LBR: variants seen among roughly 807,000 people sequenced by gnomAD.
LBR encodes lamin B receptor.
A neutral mutation model predicts 74.3 loss-of-function variants in LBR; 28 were observed. The ratio of observed to expected loss-of-function variants is 0.38; its 90% CI spans 0.28 to 0.52. The LOEUF is 0.52. LBR is among the 20% of genes least tolerant of loss of function. LBR has a pLI of 0.89. For missense variants in LBR, 717 were observed against 760.3 expected (o/e 0.94, Z 0.67); for synonymous variants, 228 against 269.3 (o/e 0.85, Z 1.50).
At chr1:225,407,437 T>C (rs1388304319) in intron 10 of LBR, among the ~76,000 whole-genome samples, 1 of 152,364 alleles carries the variant, frequency 6.6e-6, no homozygotes. Context: ...TGGCATTTCA[T>C]GTGCATTTTC....
At position 225,406,782 on chromosome 1, in the gene LBR, C is replaced by T; in HGVS notation, c.1365G>A (p.Met455Ile). The T allele has an allele frequency of 6.2e-7, 1 of 1,614,234 alleles. No individual in the cohort carries two copies. Among genetic ancestry groups the T allele is most frequent in the Non-Finnish European group, 8.5e-7 (1 of 1,180,040 alleles). The stretch of plus-strand genomic sequence containing the variant: ...CCCACACCAAGTCTCCAAAAGCCAG[C>T]ATGAATCCAAATCCATCGTGGATGA... The part of the protein sequence containing the change: ...MDIIHDGFGF[M>I]LAFGDLVWVP... The change falls in exon 11 of 14, where the codon ATG becomes ATA. Residue 455 changes from methionine to isoleucine, a missense_variant. Physicochemically the swap from Met to Ile is conservative, Grantham distance 10. Coordinates refer to ENST00000272163, the MANE Select transcript of LBR (RefSeq NM_002296.4).
intron 10 of LBR, among the ~76,000 whole-genome samples, chr1:225,408,891 T>C (rs1486717038): frequency 1.3e-5 from 2 of 152,204 alleles, no homozygotes; most frequent in Non-Finnish European, 2.9e-5. Flanking sequence ...AACCACAACA[T>C]GGCAGAAAGC....
Position 225,412,521 on chromosome 1 carries a change from G to C in LBR, c.1017C>G (p.Val339=). Residue 339 remains valine (V), a synonymous_variant, in exon 8 of 14, where the codon GTC becomes GTG. Coordinates refer to ENST00000272163, the MANE Select transcript of LBR (RefSeq NM_002296.4). The stretch of plus-strand genomic sequence containing the variant: ...AGCGCATGTAGAGATACACACTCAA[G>C]ACCACACAAAAAACAGTGGCCGCAA... ...FALAATVFCV[V]LSVYLYMRSL... 1 of 1,613,922 alleles carries C rather than the reference G, an allele frequency of 6.2e-7. No individual in the cohort carries two copies.
At chr1:225,423,664 C>T (rs914445536) in intron 2 of LBR, among the ~76,000 whole-genome samples, 3 of 152,206 alleles carry the variant, frequency 2.0e-5, no homozygotes, top group African/African-American at 4.8e-5. Flanking sequence ...AGACACAGAA[C>T]GTAGTAAACC....
At chr1:225,418,830 C>G (rs998186495) in intron 5 of LBR, among the ~76,000 whole-genome samples, 2 of 152,218 alleles carry the variant, frequency 1.3e-5, no homozygotes, top group African/African-American at 4.8e-5. Flanking sequence ...ACCCGCCTAG[C>G]AGGTAGGGCA....
chr1:225,402,298 A>C lies in LBR; in HGVS notation c.*1005T>G, dbSNP rs574777323. The C allele has an allele frequency of 3.9e-5, 6 of 152,314 alleles. No individual in the cohort carries two copies. In the South Asian group the frequency reaches 1.2e-3, roughly 32 times the overall value. 9.4% of individuals were successfully genotyped at this position (152,314 alleles called of 1,614,324 possible). ...TTTAAAAAGTCAAAAATATATAAAA[A>C]TATTAGCCTGAAATGGCAAATTTTC... On this transcript the variant is annotated 3_prime_UTR_variant, in exon 14 of 14. Coordinates refer to ENST00000272163, the MANE Select transcript of LBR (RefSeq NM_002296.4).
In LBR at chr1:225,419,364, A is replaced by G. The variant is rs1344394948; in HGVS notation, c.539T>C (p.Ile180Thr). The G allele has an allele frequency of 1.9e-6, 3 of 1,613,898 alleles. No homozygotes were observed. Among genetic ancestry groups the G allele is most frequent in the Non-Finnish European group, 2.5e-6 (3 of 1,179,906 alleles). ...AACGTATTTTTCTTCCTTAGAATCT[A>G]TTTCTTTTAATTTGACTTCTTCTCT... Reference protein sequence around the residue: ...PRREEVKLKEIDSKEEKYVAK... With the variant: ...PRREEVKLKETDSKEEKYVAK... The change falls in exon 5 of 14, where the codon ATA (isoleucine) becomes ACA (threonine). Residue 180 changes from isoleucine to threonine, a missense_variant. Ile to Thr is a moderately conservative substitution (Grantham distance 89, BLOSUM62 -1). Coordinates refer to ENST00000272163, the MANE Select transcript of LBR (RefSeq NM_002296.4).
intron 10 of LBR, among the ~76,000 whole-genome samples, chr1:225,407,089 G>C (rs1431753026): frequency 6.6e-6 from 1 of 151,984 alleles, no homozygotes; most frequent in Non-Finnish European, 1.5e-5. Flanking sequence ...CCCATGCCCA[G>C]GCCCTCCCCT....
intron 5 of LBR, among the ~76,000 whole-genome samples, chr1:225,419,027 A>G (rs930385427): frequency 2.0e-5 from 3 of 152,234 alleles, no homozygotes; most frequent in Non-Finnish European, 4.4e-5. Flanking sequence ...CAGACTGCTA[A>G]AAGTTTTAAA....
intron 3 of LBR, 126 bp from the exon 4 acceptor site, chr1:225,419,924 G>A (rs1373395920): frequency 2.1e-5 from 15 of 720,068 alleles, no homozygotes; most frequent in East Asian, 2.5e-5. Context: ...TAATTCTGAC[G>A]AATTTAACCC....
At chr1:225,420,563 A>G (rs1321276033) in intron 3 of LBR, among the ~76,000 whole-genome samples, 1 of 152,190 alleles carries the variant, frequency 6.6e-6, no homozygotes, top group African/African-American at 2.4e-5. Context: ...GGTAAGAGGC[A>G]AAGCTTCTGT....
Position 225,428,011 on chromosome 1 carries a change from C to T in LBR, c.-72G>A, listed in dbSNP as rs573759976. The T allele has an allele frequency of 1.3e-5, 2 of 152,104 alleles. No individual in the cohort carries two copies. The highest frequency in any genetic ancestry group is 6.6e-5 in the Admixed American group (1 of 15,266). 9.4% of individuals were successfully genotyped at this position (152,104 alleles called of 1,614,324 possible). A position where few individuals can be genotyped will look rare whatever the true frequency, so the allele number is the denominator to read the frequency against. On this transcript the variant is annotated 5_prime_UTR_variant, in exon 1 of 14. Transcript: ENST00000272163. Reference sequence around the variant, plus strand: ...TCCCGGAGAATAGTCGCACAGCAACCCGGCGGCAGATCCACGCGCGCGACG... The same window carrying T: ...TCCCGGAGAATAGTCGCACAGCAACTCGGCGGCAGATCCACGCGCGCGACG...
intron 2 of LBR, among the ~76,000 whole-genome samples, chr1:225,423,547 G>A (rs2096132574): frequency 1.3e-5 from 2 of 151,832 alleles, no homozygotes; most frequent in Non-Finnish European, 2.9e-5. Flanking sequence ...TGTTTTTCCT[G>A]TTTGTTCTCA....
intron 1 of LBR, among the ~76,000 whole-genome samples, chr1:225,425,869 G>A (rs1041726671): frequency 1.3e-5 from 2 of 152,180 alleles, no homozygotes; most frequent in African/African-American, 4.8e-5. Flanking sequence ...CCTTCAGGAC[G>A]CAGGGGCTAC....
intron 5 of LBR, among the ~76,000 whole-genome samples, chr1:225,418,742 C>G (rs2096122075): frequency 6.6e-6 from 1 of 152,178 alleles, no homozygotes; most frequent in Non-Finnish European, 1.5e-5. Context: ...CTTTTACTAG[C>G]TCATAAAATT....
Position 225,417,939 on chromosome 1 carries a change from G to A in LBR, c.837+45C>T, listed in dbSNP as rs527857673. ...TGGAGACCCGCCTGGACAATATAGT[G>A]AGACCTCATCTTATTAAAACAAAAC... On this transcript the variant is annotated intron_variant, in intron 6 of 13. Transcript: ENST00000272163. 7.0e-6 allele frequency: 11 copies of A among 1,562,180 alleles called. No homozygotes were observed. In the African/African-American group the frequency reaches 1.4e-4, roughly 19 times the overall value.
rs1185270111 is a variant in LBR, at chr1:225,419,243, G to A, written c.640+20C>T. On this transcript the variant is annotated intron_variant, in intron 5 of 13. Transcript: ENST00000272163. ...TAGCTCACCCCACCTGCCCTCTCTG[G>A]GCCCAGCTCTGAGGCCTACCAGGTA... 4.3e-6 allele frequency: 7 copies of A among 1,613,304 alleles called. No individual in the cohort carries two copies. The highest frequency in any genetic ancestry group is 5.9e-6 in the Non-Finnish European group (7 of 1,179,318).
chr1:225,421,233 C>T (rs963469503), intron 3 of LBR, among the ~76,000 whole-genome samples: 1 of 152,224 alleles, frequency 6.6e-6, no homozygotes, highest in Admixed American at 6.5e-5. Context: ...GTGGCTCACG[C>T]CTGTAATCCC....
At chr1:225,419,919 C>T (rs2096124531) in intron 3 of LBR, 121 bp from the exon 4 acceptor site, 11 of 748,238 alleles carry the variant, frequency 1.5e-5, no homozygotes, top group South Asian at 1.2e-4. Flanking sequence ...AGCCTTAATT[C>T]TGACGAATTT....
Sources: allele counts gnomAD v4.1 joint callset (sites outside exome capture counted in the v4.1 genomes callset), GRCh38; gene constraint gnomAD v4.1.1; transcripts MANE v1.5; gene names NCBI Gene and HGNC (gene_info 2026-07-23, HGNC 2026-07-21).